Variants in CYREN observed in about 807,000 individuals in gnomAD.
The protein encoded by CYREN is cell cycle regulator of non-homologous end joining.
In CYREN, 7 loss-of-function variants were observed where a neutral mutation model predicts 9.7. That is an observed-to-expected ratio of 0.72 (90% confidence interval 0.41 to 1.36). The LOEUF (loss-of-function observed/expected upper bound fraction) is 1.36. Ranked by LOEUF, CYREN falls within the 40% of genes most tolerant of loss-of-function variation. The pLI is 0.01. For missense variants in CYREN, 215 were observed against 198.1 expected, an observed-to-expected ratio of 1.09 and a Z score of -0.51; for synonymous variants, 76 against 77.9, an observed-to-expected ratio of 0.98 and a Z score of 0.13.
intron 2 of CYREN, among the ~76,000 whole-genome samples, chr7:135,099,465 T>G (rs1306420167): frequency 1.3e-5 from 2 of 152,168 alleles, no homozygotes; most frequent in African/African-American, 4.8e-5. Flanking sequence ...AGTTAAAAAT[T>G]AAGTTTTATT....
At chr7:135,137,481 T>C (rs577498261) in intron 2 of CYREN, among the ~76,000 whole-genome samples, 1 of 151,982 alleles carries the variant, frequency 6.6e-6, no homozygotes, top group South Asian at 2.1e-4. Context: ...ATTGAAGCAG[T>C]AATGACGGAG....
chr7:135,105,691 T>A (rs1346467183), intron 2 of CYREN, among the ~76,000 whole-genome samples: 1 of 152,218 alleles, frequency 6.6e-6, no homozygotes, highest in Admixed American at 6.5e-5. Context: ...TTCTTTTTGC[T>A]TAGGATTGCC....
At chr7:135,111,052 C>T (rs1418474286) in intron 2 of CYREN, among the ~76,000 whole-genome samples, 1 of 152,172 alleles carries the variant, frequency 6.6e-6, no homozygotes. Flanking sequence ...CTCTCTCCTA[C>T]CTAACATCTC....
chr7:135,156,043 T>C (rs960013185), intron 2 of CYREN, among the ~76,000 whole-genome samples: 15 of 147,596 alleles, frequency 1.0e-4, no homozygotes, highest in South Asian at 2.2e-4. Context: ...TTTTTTTTTT[T>C]CCCTTTAGCA....
At chr7:135,114,444 T>C (rs1309143678) in intron 2 of CYREN, among the ~76,000 whole-genome samples, 1 of 152,154 alleles carries the variant, frequency 6.6e-6, no homozygotes, top group Non-Finnish European at 1.5e-5. Flanking sequence ...TATTCCAGTG[T>C]CTCCATTAAC....
chr7:135,107,191 G>T (rs1460226149), intron 2 of CYREN, among the ~76,000 whole-genome samples: 2 of 151,692 alleles, frequency 1.3e-5, no homozygotes, highest in Non-Finnish European at 2.9e-5. Flanking sequence ...ATTTTCAATG[G>T]CTTTTTCATG....
At chr7:135,111,159 T>C (rs183710352) in intron 2 of CYREN, among the ~76,000 whole-genome samples, 81 of 148,680 alleles carry the variant, frequency 5.4e-4, no homozygotes, top group African/African-American at 1.5e-3. Context: ...ATCTCAAACA[T>C]CCTTCCTTCT....
In CYREN at chr7:135,142,055, T is replaced by C. The variant is rs796372393; in HGVS notation, n.356+26694A>G. Among the ~76,000 whole-genome samples, 6 of 152,280 alleles carry C rather than the reference T, an allele frequency of 3.9e-5. 1 individual carries two copies. The highest frequency in any genetic ancestry group is 1.4e-4 in the African/African-American group (6 of 41,568). On this transcript the variant is annotated intron_variant and non_coding_transcript_variant, in intron 2 of 2. Coordinates refer to the CYREN transcript ENST00000459937. ...GGGTGGGGTGTTCTGTAGATGTCTG[T>C]TAGGTCCATTTGGTCAAGTGTCAAG...
At chr7:135,104,771 T>C (rs1231067954) in intron 2 of CYREN, among the ~76,000 whole-genome samples, 2 of 149,642 alleles carry the variant, frequency 1.3e-5, no homozygotes, top group Non-Finnish European at 3.0e-5. Flanking sequence ...TTAATGGGGC[T>C]GTTTGGTTTT....
Position 135,169,811 on chromosome 7 carries a change from C to CA in CYREN, c.-138-752dup, listed in dbSNP as rs545578132. On this transcript the variant is annotated intron_variant, in intron 1 of 3. Coordinates refer to ENST00000393114, the MANE Select transcript of CYREN (RefSeq NM_024033.4). ...GAAGCTCCTGAAGCGGAGGTTTGCCCAAAAAAAAGAGTAGTCAGCGATAGT... is the reference window on the plus strand; with the variant it reads ...GAAGCTCCTGAAGCGGAGGTTTGCCCAAAAAAAAAGAGTAGTCAGCGATAGT... Among the ~76,000 whole-genome samples the CA allele has an allele frequency of 5.4e-3, 821 of 151,676 alleles. 9 individuals carry two copies. The highest frequency in any genetic ancestry group is 0.019 in the African/African-American group (783 of 41,350).
intron 2 of CYREN, chr7:135,168,303 CCCCCCCCCGG>C: frequency 5.4e-5 from 2 of 37,286 alleles, no homozygotes; most frequent in East Asian, 3.5e-3. Context: ...CCCCCCCCCG[CCCCCCCCCGG>C]CAATTACCGT....
At chr7:135,126,255 A>C (rs1827849122) in intron 2 of CYREN, among the ~76,000 whole-genome samples, 1 of 152,238 alleles carries the variant, frequency 6.6e-6, no homozygotes, top group South Asian at 2.1e-4. Flanking sequence ...AACATAGATA[A>C]GCAGAGAGCC....
intron 2 of CYREN, among the ~76,000 whole-genome samples, chr7:135,146,840 T>C (rs552263528): frequency 6.6e-6 from 1 of 152,334 alleles, no homozygotes; most frequent in African/African-American, 2.4e-5. Flanking sequence ...AGTGTGGGAC[T>C]GCCGATTTTC....
At position 135,160,063 on chromosome 7, in the gene CYREN, C is replaced by T. The variant is rs572414683; in HGVS notation, n.356+8686G>A. Among the ~76,000 whole-genome samples, 6 of 152,272 alleles carry T rather than the reference C, an allele frequency of 3.9e-5. No homozygotes were observed. In the South Asian group the frequency reaches 1.0e-3, roughly 26 times the overall value. Reference sequence around the variant, plus strand: ...ATATGCAGCCCTTAATGTTTAGGAACCATTTCTAGTTCACATAGAATGATG... The same window carrying T: ...ATATGCAGCCCTTAATGTTTAGGAATCATTTCTAGTTCACATAGAATGATG... On this transcript the variant is annotated intron_variant and non_coding_transcript_variant, in intron 2 of 2. Transcript: ENST00000459937.
intron 2 of CYREN, chr7:135,148,367 T>C (rs952363795): frequency 9.0e-6 from 3 of 334,042 alleles, no homozygotes; most frequent in Admixed American, 4.4e-5. Flanking sequence ...GTTCTGGCAA[T>C]CCACATAGGG....
intron 2 of CYREN, among the ~76,000 whole-genome samples, chr7:135,136,503 C>G (rs1829348490): frequency 6.6e-6 from 1 of 152,020 alleles, no homozygotes; most frequent in Non-Finnish European, 1.5e-5. Flanking sequence ...GTATAAAATT[C>G]TCATCCTTAG....
intron 2 of CYREN, chr7:135,134,946 A>G (rs1829271145): frequency 2.6e-6 from 4 of 1,551,226 alleles, no homozygotes; most frequent in Admixed American, 2.0e-5. Flanking sequence ...CAAACTCTTC[A>G]GAATGGGTCC....
intron 2 of CYREN, among the ~76,000 whole-genome samples, chr7:135,098,721 G>A (rs189574518): frequency 3.3e-5 from 5 of 152,294 alleles, no homozygotes; most frequent in Admixed American, 3.3e-4. Context: ...TATCTCAAAG[G>A]CTGCAGGCAG....
chr7:135,093,107 TTC>T (rs1822101174), exon 3 of CYREN: 1 of 151,838 alleles, frequency 6.6e-6, no homozygotes, highest in African/African-American at 2.4e-5. Context: ...CTAAATGCTT[TTC>T]TCCCTGAGAC....
Sources: allele counts gnomAD v4.1 joint callset (sites outside exome capture counted in the v4.1 genomes callset), GRCh38; gene constraint gnomAD v4.1.1; transcripts MANE v1.5; gene names NCBI Gene and HGNC (gene_info 2026-07-23, HGNC 2026-07-21).